The following CFAP44 variants were observed in gnomAD, a reference collection of about 807,000 sequenced individuals.
CFAP44 encodes the protein cilia and flagella associated protein 44, also known as cilia- and flagella-associated protein 44.
CFAP44 carries 134 observed loss-of-function variants against 216.2 expected under a neutral mutation model. The observed-to-expected ratio is 0.62, with a 90% CI of 0.54 to 0.72. The LOEUF (loss-of-function observed/expected upper bound fraction) is 0.72, where lower values mean the gene tolerates loss of function less well. Ranked by LOEUF, CFAP44 falls within the 30% of genes least tolerant of loss-of-function variation. The pLI is 0.00. For missense variants in CFAP44, 2,035 were observed against 2,182.1 expected (o/e 0.93, Z 1.34); for synonymous variants, 700 against 727.6 (o/e 0.96, Z 0.61).
intron 28 of CFAP44, among the ~76,000 whole-genome samples, chr3:113,312,885 A>ACCC (rs1950053162): frequency 6.6e-6 from 1 of 152,132 alleles, no homozygotes; most frequent in Non-Finnish European, 1.5e-5. Flanking sequence ...ATGTATGGAA[A>ACCC]TGCCTGGATA....
intron 21 of CFAP44, among the ~76,000 whole-genome samples, chr3:113,361,736 G>C (rs905465636): frequency 4.0e-5 from 6 of 151,830 alleles, no homozygotes; most frequent in African/African-American, 1.5e-4. Flanking sequence ...CTGACCTCAT[G>C]ATCCGCCCGC....
In CFAP44 at chr3:113,287,061, A is replaced by T. The variant is rs2107778141; in HGVS notation, c.*4496T>A. On this transcript the variant is annotated 3_prime_UTR_variant, in exon 35 of 35. Coordinates refer to ENST00000393845, the MANE Select transcript of CFAP44 (RefSeq NM_001164496.2). ...CTACCCGTTGAGGTTGGAGAGGGAA[A>T]ATAAAGAAGCTGCCACCTAACAGGA... 1 of 675,122 alleles carries T rather than the reference A, an allele frequency of 1.5e-6. No homozygotes were observed. Among genetic ancestry groups the T allele is most frequent in the East Asian group, 3.6e-5 (1 of 27,814 alleles). The allele number at this position is 675,122 out of a possible 1,614,324, so 41.8% of individuals were successfully genotyped here.
chr3:113,342,770 T>C (rs989438268), intron 23 of CFAP44, among the ~76,000 whole-genome samples: 3 of 151,852 alleles, frequency 2.0e-5, no homozygotes, highest in South Asian at 4.2e-4. Flanking sequence ...GGTAGGCAGA[T>C]TGCCTGAGCT....
chr3:113,435,027 G>A (rs1935202258), intron 1 of CFAP44: 2 of 152,174 alleles, frequency 1.3e-5, no homozygotes, highest in African/African-American at 2.4e-5. Flanking sequence ...GGGGATAACA[G>A]TACATTGTCT....
At chr3:113,369,648 C>T (rs1933082550) in intron 18 of CFAP44, among the ~76,000 whole-genome samples, 3 of 152,182 alleles carry the variant, frequency 2.0e-5, no homozygotes, top group South Asian at 2.1e-4. Flanking sequence ...AATCAACACC[C>T]TAATATTGCA....
At chr3:113,307,486 C>T (rs562002770) in intron 29 of CFAP44, among the ~76,000 whole-genome samples, 1 of 152,276 alleles carries the variant, frequency 6.6e-6, no homozygotes, top group South Asian at 2.1e-4. Context: ...CCTGCACTCC[C>T]TTCATTTCTT....
intron 18 of CFAP44, among the ~76,000 whole-genome samples, chr3:113,370,625 T>C (rs1291243955): frequency 6.6e-6 from 1 of 152,158 alleles, no homozygotes; most frequent in Admixed American, 6.5e-5. Context: ...GCCAATATCA[T>C]ACAGAATGGG....
At position 113,287,276 on chromosome 3, in the gene CFAP44, G is replaced by C. The variant is rs373366019; in HGVS notation, c.*4281C>G. The C allele has an allele frequency of 1.3e-5, 4 of 316,618 alleles. No individual in the cohort carries two copies. The highest frequency in any genetic ancestry group is 5.3e-5 in the South Asian group (2 of 37,424). 19.6% of individuals were successfully genotyped at this position (316,618 alleles called of 1,614,324 possible). A position where few individuals can be genotyped will look rare whatever the true frequency, so the allele number is the denominator to read the frequency against. The stretch of plus-strand genomic sequence containing the variant: ...ATCACAGCCTGGAGACACCCACACA[G>C]ATGGCTGGATCCGGTGCTACGGGAA... On this transcript the variant is annotated 3_prime_UTR_variant, in exon 35 of 35. Transcript: ENST00000393845.
chr3:113,406,792 G>A (rs1036832119), intron 8 of CFAP44, 135 bp downstream of exon 8: 1 of 581,486 alleles, frequency 1.7e-6, no homozygotes, highest in African/African-American at 1.9e-5. Context: ...AATTGAAGAA[G>A]TAAAATTAAA....
At chr3:113,375,448 CAA>C (rs1559928390) in intron 17 of CFAP44, among the ~76,000 whole-genome samples, 1 of 151,930 alleles carries the variant, frequency 6.6e-6, no homozygotes, top group Non-Finnish European at 1.5e-5. Flanking sequence ...TGGAGAAAGA[CAA>C]AAAGGATGGA....
Position 113,333,550 on chromosome 3 carries a change from A to T in CFAP44, c.3471T>A (p.Asp1157Glu). Residue 1157 changes from aspartate (D) to glutamate (E), a missense_variant, in exon 25 of 35, where the codon GAT becomes GAA. This residue lies in a region of CFAP44 where 1,883 missense variants were observed against 2,023.7 expected (regional missense o/e 0.93). Transcript: ENST00000393845. ...YKSKPGDDYE[D>E]PKDLQAIKEA... The stretch of plus-strand genomic sequence containing the variant: ...CTTTGATGGCTTGAAGATCTTTGGG[A>T]TCTTCATAGTCATCACCAGGTTTAC... The T allele has an allele frequency of 6.5e-7, 1 of 1,536,722 alleles. No homozygotes were observed. Among genetic ancestry groups the T allele is most frequent in the East Asian group, 2.4e-5 (1 of 40,884 alleles).
chr3:113,325,294 C>A (rs1399287188), intron 28 of CFAP44, among the ~76,000 whole-genome samples: 2 of 140,022 alleles, frequency 1.4e-5, no homozygotes, highest in African/African-American at 5.4e-5. Flanking sequence ...GAGCCAGACT[C>A]CGTCTCAAAA....
intron 24 of CFAP44, among the ~76,000 whole-genome samples, chr3:113,335,526 G>A (rs1950274968): frequency 6.6e-6 from 1 of 152,174 alleles, no homozygotes; most frequent in South Asian, 2.1e-4. Flanking sequence ...CCATGAAGCT[G>A]GGCAAAGAAC....
At chr3:113,437,078 A>C (rs1935256065) in intron 1 of CFAP44, among the ~76,000 whole-genome samples, 1 of 152,174 alleles carries the variant, frequency 6.6e-6, no homozygotes, top group Non-Finnish European at 1.5e-5. Context: ...TGGCTATGGA[A>C]CAGTGGTCCC....
At chr3:113,439,897 A>G (rs975981467) in intron 1 of CFAP44, among the ~76,000 whole-genome samples, 1 of 151,962 alleles carries the variant, frequency 6.6e-6, no homozygotes, top group African/African-American at 2.4e-5. Context: ...TATAAAACAG[A>G]CTCTCGGTTT....
intron 25 of CFAP44, among the ~76,000 whole-genome samples, chr3:113,331,805 C>T (rs759721651): frequency 5.9e-5 from 9 of 152,120 alleles, no homozygotes; most frequent in African/African-American, 1.2e-4. Context: ...ACAAATAATA[C>T]ACTATTTTAA....
chr3:113,416,518 G>A lies in CFAP44; in HGVS notation c.673+7C>T. 14 of 1,576,434 alleles carry A rather than the reference G, an allele frequency of 8.9e-6. No homozygotes were observed. Among genetic ancestry groups the A allele is most frequent in the Non-Finnish European group, 1.2e-5 (14 of 1,149,330 alleles). On this transcript the variant is annotated splice_region_variant and intron_variant, in intron 6 of 34. Transcript: ENST00000393845. ...CATGAAATATTTAAATATGCTTCTG[G>A]ACTCACCTCGAAGGACTCTGTATGG... is the stretch of plus-strand genomic sequence containing the variant.
chr3:113,409,699 G>T (rs73237130), intron 6 of CFAP44, among the ~76,000 whole-genome samples: 26,407 of 152,066 alleles, frequency 0.17, 3,032 homozygotes, highest in East Asian at 0.42. Context: ...TTCCCAGGAG[G>T]TTGGGCTTTC....
chr3:113,304,336 C>T, intron 31 of CFAP44: 1 of 560,754 alleles, frequency 1.8e-6, no homozygotes, highest in Non-Finnish European at 3.2e-6. Flanking sequence ...GCAAATCCTC[C>T]CACACAGATC....
Sources: gnomAD v4.1 joint callset for allele counts (sites outside exome capture counted in the v4.1 genomes callset) on GRCh38, gnomAD v4.1.1 for gene constraint, gnomAD v4.1.1 regional missense constraint, MANE v1.5 for transcripts, NCBI Gene and HGNC (gene_info 2026-07-23, HGNC 2026-07-21) for gene names.